Variants in GDA observed in about 807,000 individuals in gnomAD.
GDA encodes the protein guanine deaminase, also known as cytoplasmic PSD-95 interactor.
GDA carries 18 observed loss-of-function variants against 59.6 expected under a neutral mutation model. That is an observed-to-expected ratio of 0.30 (90% CI 0.21 to 0.45). The LOEUF is 0.45. Among genes scored for constraint, GDA ranks in the 20% least tolerant of loss-of-function variants. The probability of loss-of-function intolerance (pLI) is 1.00; values close to 1 mark genes in which losing one functional copy is unlikely to be tolerated. For missense variants in GDA, 427 were observed against 552.3 expected (o/e 0.77, Z 2.27); for synonymous variants, 201 against 201.1 (o/e 1.00, Z 0.00).
intron 10 of GDA, among the ~76,000 whole-genome samples, chr9:72,233,014 C>T (rs1409992370): frequency 6.6e-6 from 1 of 152,168 alleles, no homozygotes; most frequent in Non-Finnish European, 1.5e-5. Flanking sequence ...TAAATATGAC[C>T]TATTAGCTTA....
At chr9:72,192,060 A>T (rs547567236) in intron 1 of GDA, among the ~76,000 whole-genome samples, 6 of 151,988 alleles carry the variant, frequency 3.9e-5, no homozygotes, top group African/African-American at 1.4e-4. Context: ...GTTCTTTATT[A>T]TCCCTTTGAA....
At chr9:72,153,125 G>T (rs1287949563) in intron 1 of GDA, among the ~76,000 whole-genome samples, 1 of 151,998 alleles carries the variant, frequency 6.6e-6, no homozygotes, top group African/African-American at 2.4e-5. Flanking sequence ...ATTTCTGAGG[G>T]CTCTGTTCTG....
chr9:72,235,318 G>A (rs1031652528), intron 10 of GDA, among the ~76,000 whole-genome samples: 6 of 152,068 alleles, frequency 3.9e-5, no homozygotes, highest in African/African-American at 1.4e-4. Context: ...TTGAGTTTTG[G>A]TTTTATGCTT....
exon 1 of GDA, chr9:72,114,637 C>T (rs1320796432): frequency 6.6e-6 from 1 of 151,682 alleles, no homozygotes; most frequent in African/African-American, 2.4e-5. Context: ...ACTACAGGCA[C>T]CCGCTACAAC....
chr9:72,137,494 C>T (rs1191607562), intron 1 of GDA, among the ~76,000 whole-genome samples: 1 of 151,956 alleles, frequency 6.6e-6, no homozygotes, highest in Non-Finnish European at 1.5e-5. Context: ...GATGTGCCCG[C>T]CTCAGCCTTC....
intron 10 of GDA, among the ~76,000 whole-genome samples, chr9:72,235,268 A>C (rs888871266): frequency 1.3e-5 from 2 of 152,240 alleles, no homozygotes; most frequent in African/African-American, 4.8e-5. Context: ...CCTGGGACCG[A>C]AATACATGGC....
At chr9:72,144,613 A>G (rs961233578), upstream of GDA, among the ~76,000 whole-genome samples, 1 of 152,188 alleles carries the variant, frequency 6.6e-6, no homozygotes, top group Non-Finnish European at 1.5e-5. Flanking sequence ...GACTAGCACT[A>G]TATTCTCATA....
chr9:72,143,451 G>A (rs1305228689), intron 1 of GDA, among the ~76,000 whole-genome samples: 3 of 152,034 alleles, frequency 2.0e-5, no homozygotes, highest in African/African-American at 4.8e-5. Context: ...CTTTGAGCTT[G>A]CTGTCATGGT....
intron 1 of GDA, among the ~76,000 whole-genome samples, chr9:72,132,994 G>T (rs1425096758): frequency 6.6e-6 from 1 of 151,998 alleles, no homozygotes; most frequent in Non-Finnish European, 1.5e-5. Flanking sequence ...CTGGTAACAA[G>T]AAATAATTTT....
Position 72,228,118 on chromosome 9 carries a change from G to A in GDA, c.920+78G>A. On this transcript the variant is annotated intron_variant, in intron 9 of 13. Transcript: ENST00000358399. ...GCAGCCAAATGCCTTTGTTTCCTCT[G>A]TCATTCCTCCAGGATCTCCCCTCTA... 2 of 802,396 alleles carry A rather than the reference G, an allele frequency of 2.5e-6. 1 individual carries two copies. The highest frequency in any genetic ancestry group is 2.9e-5 in the South Asian group (2 of 68,268). 49.7% of individuals were successfully genotyped at this position (802,396 alleles called of 1,614,324 possible).
chr9:72,249,957 A>C lies in GDA; in HGVS notation c.*1615A>C, dbSNP rs576273685. The stretch of plus-strand genomic sequence containing the variant: ...TACTTTTAGATTTGATTATGTATAC[A>C]TGACACCTAAAGAGGGAACAAAAGT... On this transcript the variant is annotated 3_prime_UTR_variant, in exon 14 of 14. Coordinates refer to ENST00000358399, the MANE Select transcript of GDA (RefSeq NM_004293.5). 58 of 947,706 alleles carry C rather than the reference A, an allele frequency of 6.1e-5. No homozygotes were observed. In the African/African-American group the frequency reaches 9.2e-4, roughly 15 times the overall value. The allele number at this position is 947,706 out of a possible 1,614,324, so 58.7% of individuals were successfully genotyped here.
intron 8 of GDA, among the ~76,000 whole-genome samples, chr9:72,227,739 T>C (rs990730015): frequency 1.3e-5 from 2 of 152,194 alleles, no homozygotes; most frequent in Admixed American, 6.5e-5. Flanking sequence ...TCCTGAGACT[T>C]TCGTAAGACA....
At chr9:72,136,791 C>G (rs889171318) in intron 1 of GDA, among the ~76,000 whole-genome samples, 1 of 152,090 alleles carries the variant, frequency 6.6e-6, no homozygotes, top group Non-Finnish European at 1.5e-5. Context: ...CTGGCTAACA[C>G]AGTGAAACCC....
chr9:72,248,183 T>C, intron 13 of GDA, 89 bp from the exon 14 acceptor site: 1 of 871,190 alleles, frequency 1.1e-6, no homozygotes, highest in Non-Finnish European at 2.0e-6. Flanking sequence ...CTCCTAGAAG[T>C]ATCTTTAAAA....
rs957848959 is a variant in GDA, at chr9:72,116,333, G to A, written c.-100+1500G>A. Among the ~76,000 whole-genome samples the A allele has an allele frequency of 2.0e-5, 3 of 150,720 alleles. No homozygotes were observed. In the East Asian group the frequency reaches 5.8e-4, roughly 29 times the overall value. ...TACAAAGCACCTTACAATGCCTACT[G>A]ACCACATGCCACATGGCTAAATGAC... On this transcript the variant is annotated intron_variant, in intron 1 of 13. Coordinates refer to the GDA transcript ENST00000545168.
At chr9:72,144,617 T>C (rs1475046643), upstream of GDA, among the ~76,000 whole-genome samples, 2 of 152,210 alleles carry the variant, frequency 1.3e-5, no homozygotes, top group African/African-American at 4.8e-5. Context: ...AGCACTATAT[T>C]CTCATAAAAA....
intron 1 of GDA, among the ~76,000 whole-genome samples, chr9:72,187,488 G>A (rs1392759946): frequency 1.3e-5 from 2 of 152,082 alleles, no homozygotes; most frequent in Non-Finnish European, 2.9e-5. Flanking sequence ...CCTCCAAAAC[G>A]GTGAGCCAAA....
At chr9:72,212,481 TA>T (rs898941614) in intron 4 of GDA, among the ~76,000 whole-genome samples, 169 of 142,954 alleles carry the variant, frequency 1.2e-3, no homozygotes, top group Non-Finnish European at 1.1e-3. Context: ...GACGCCACCT[TA>T]AAAAAAAAAA....
At chr9:72,155,504 G>A (rs1827789309) in intron 1 of GDA, among the ~76,000 whole-genome samples, 1 of 152,152 alleles carries the variant, frequency 6.6e-6, no homozygotes. Flanking sequence ...GCCTGTGACT[G>A]CCTGTGCAAA....
Sources: gnomAD v4.1 joint callset for allele counts (sites outside exome capture counted in the v4.1 genomes callset) on GRCh38, gnomAD v4.1.1 for gene constraint, MANE v1.5 for transcripts, NCBI Gene and HGNC (gene_info 2026-07-23, HGNC 2026-07-21) for gene names.